The following EYS variants were observed in gnomAD, a reference collection of about 807,000 sequenced individuals.
EYS encodes EGF-like photoreceptor maintenance factor.
A neutral mutation model predicts 282.1 loss-of-function variants in EYS; 250 were observed. That is an observed-to-expected ratio of 0.89 (90% CI 0.80 to 0.98). The LOEUF is 0.98. Among genes scored for constraint, EYS ranks in the 50% least tolerant of loss-of-function variants. EYS has a pLI of 0.00. For synonymous variants in EYS, 1,355 were observed against 1,282.9 expected (o/e 1.06, Z -1.20); for missense variants, 4,016 against 3,709.0 (o/e 1.08, Z -2.15).
At chr6:64,310,078 A>AGAC (rs374410671) in intron 29 of EYS, among the ~76,000 whole-genome samples, 1 of 145,194 alleles carries the variant, frequency 6.9e-6, no homozygotes, top group Non-Finnish European at 1.5e-5. Flanking sequence ...ATAAAAAAAA[A>AGAC]AATAACAGAT....
chr6:64,051,788 G>T (rs767091911), intron 33 of EYS, among the ~76,000 whole-genome samples: 3 of 152,076 alleles, frequency 2.0e-5, no homozygotes, highest in African/African-American at 4.8e-5. Context: ...TGTTCTGAAG[G>T]CCTGGCATAA....
At position 64,117,355 on chromosome 6, in the gene EYS, TAAC is replaced by T. The variant is rs1280326270; in HGVS notation, c.6425-35356_6425-35354del. 2.4e-5 allele frequency among the ~76,000 whole-genome samples: 3 copies of T among 125,736 alleles called. No individual in the cohort carries two copies. The South Asian group carries it at 8.2e-4, about 34-fold the overall frequency. 82.5% of individuals were successfully genotyped at this position (125,736 alleles called of 152,430 possible). ...CCCCCCCCCAATTAGTAGAAGGAAA[TAAC>T]AAAGACCAGAGCAGAAATGAAGGAA... On this transcript the variant is annotated intron_variant, in intron 31 of 42. Transcript: ENST00000503581.
At chr6:65,102,159 A>C (rs1487265736) in intron 12 of EYS, among the ~76,000 whole-genome samples, 1 of 151,394 alleles carries the variant, frequency 6.6e-6, no homozygotes, top group Non-Finnish European at 1.5e-5. Flanking sequence ...CAGTACAATT[A>C]GACTTAAGCA....
At chr6:64,674,497 A>T (rs753200263) in intron 22 of EYS, among the ~76,000 whole-genome samples, 3 of 152,100 alleles carry the variant, frequency 2.0e-5, no homozygotes, top group Non-Finnish European at 2.9e-5. Flanking sequence ...CAACCCTAAG[A>T]GGCAGTTCAG....
intron 42 of EYS, among the ~76,000 whole-genome samples, chr6:63,724,697 T>G (rs189813685): frequency 4.3e-4 from 66 of 152,266 alleles, no homozygotes; most frequent in Non-Finnish European, 7.6e-4. Flanking sequence ...AATTTTCAAG[T>G]TATCATTTTG....
At chr6:65,096,604 C>A (rs985682550) in intron 12 of EYS, among the ~76,000 whole-genome samples, 2 of 150,784 alleles carry the variant, frequency 1.3e-5, no homozygotes, top group Admixed American at 1.3e-4. Context: ...AAAGCTATGA[C>A]AATTAAAGTA....
intron 8 of EYS, among the ~76,000 whole-genome samples, chr6:65,357,418 A>G (rs1764529132): frequency 1.3e-5 from 2 of 151,904 alleles, no homozygotes; most frequent in African/African-American, 4.8e-5. Context: ...GCTTCAAGTG[A>G]TGCAATCTAT....
chr6:63,784,347 T>A lies in EYS; in HGVS notation c.7723+3758A>T, dbSNP rs574450771. On this transcript the variant is annotated intron_variant, in intron 39 of 42. Coordinates refer to ENST00000503581, the MANE Select transcript of EYS (RefSeq NM_001142800.2). ...ACTAATACAGATAGATTTTATTGAA[T>A]TAAAAAATCAGTGGAAGCGAGTTAA... Among the ~76,000 whole-genome samples, 3 of 152,290 alleles carry A rather than the reference T, an allele frequency of 2.0e-5. No individual in the cohort carries two copies. The South Asian group carries it at 6.2e-4, about 32-fold the overall frequency.
chr6:65,209,681 C>T (rs1345424112), intron 12 of EYS, among the ~76,000 whole-genome samples: 1 of 151,820 alleles, frequency 6.6e-6, no homozygotes, highest in Non-Finnish European at 1.5e-5. Flanking sequence ...CATATACTTT[C>T]AGGTGGAGGA....
At chr6:65,233,042 T>C (rs1321683514) in intron 12 of EYS, among the ~76,000 whole-genome samples, 1 of 152,182 alleles carries the variant, frequency 6.6e-6, no homozygotes, top group Non-Finnish European at 1.5e-5. Context: ...TGTATCTTAT[T>C]GATATTCTCC....
chr6:65,139,988 G>A (rs539310308), intron 12 of EYS, among the ~76,000 whole-genome samples: 1 of 152,032 alleles, frequency 6.6e-6, no homozygotes, highest in African/African-American at 2.4e-5. Flanking sequence ...TATCTAAAAT[G>A]TCCAGGATAG....
At chr6:64,175,535 G>A (rs1764602117) in intron 31 of EYS, among the ~76,000 whole-genome samples, 1 of 152,184 alleles carries the variant, frequency 6.6e-6, no homozygotes, top group African/African-American at 2.4e-5. Context: ...CTGATAAGGG[G>A]AGGTAATTCA....
In EYS at chr6:63,726,354, A is replaced by C. The variant is rs573153908; in HGVS notation, c.8233+165T>G. 2.6e-5 allele frequency among the ~76,000 whole-genome samples: 4 copies of C among 152,320 alleles called. No individual in the cohort carries two copies. In the East Asian group the frequency reaches 5.8e-4, roughly 22 times the overall value. On this transcript the variant is annotated intron_variant, in intron 42 of 42. Coordinates refer to ENST00000503581, the MANE Select transcript of EYS (RefSeq NM_001142800.2). ...ACAAATCTGTTGCTATTTTATTAGA[A>C]TATCTAGGGCTTCTAAATTCATACG...
intron 28 of EYS, among the ~76,000 whole-genome samples, chr6:64,416,706 T>C (rs1286008580): frequency 6.6e-6 from 1 of 152,184 alleles, no homozygotes; most frequent in African/African-American, 2.4e-5. Flanking sequence ...TTGAACTTTT[T>C]TGAGACATTA....
chr6:65,132,111 G>A (rs1775895975), intron 12 of EYS, among the ~76,000 whole-genome samples: 2 of 151,818 alleles, frequency 1.3e-5, no homozygotes, highest in South Asian at 4.2e-4. Flanking sequence ...AGTGCCAGAT[G>A]GATTTACAGC....
At chr6:64,287,076 A>G (rs1364334387) in intron 30 of EYS, among the ~76,000 whole-genome samples, 1 of 152,156 alleles carries the variant, frequency 6.6e-6, no homozygotes, top group Non-Finnish European at 1.5e-5. Context: ...GATAACTGAA[A>G]TAACAGGTTA....
At chr6:65,169,521 T>G (rs1765054539) in intron 12 of EYS, among the ~76,000 whole-genome samples, 1 of 151,484 alleles carries the variant, frequency 6.6e-6, no homozygotes, top group African/African-American at 2.4e-5. Context: ...TCCTTGGATA[T>G]TCCATTTTCC....
At chr6:64,753,406 G>A (rs954043120) in intron 22 of EYS, among the ~76,000 whole-genome samples, 1 of 151,382 alleles carries the variant, frequency 6.6e-6, no homozygotes, top group Non-Finnish European at 1.5e-5. Flanking sequence ...TCAGACTCAA[G>A]GTAAAGGGGT....
At chr6:63,852,676 CA>C (rs1042629033) in intron 36 of EYS, among the ~76,000 whole-genome samples, 56 of 152,006 alleles carry the variant, frequency 3.7e-4, no homozygotes, top group African/African-American at 1.1e-3. Context: ...AGAGACACAA[CA>C]AAAAAAGAAA....
Sources: allele counts gnomAD v4.1 joint callset (sites outside exome capture counted in the v4.1 genomes callset), GRCh38; gene constraint gnomAD v4.1.1; transcripts MANE v1.5; gene names NCBI Gene and HGNC (gene_info 2026-07-23, HGNC 2026-07-21).